The following MALRD1 variants were observed in gnomAD, a reference collection of about 807,000 sequenced individuals.
The protein encoded by MALRD1 is MAM and LDL receptor class A domain containing 1.
In MALRD1, 247 loss-of-function variants were observed where a neutral mutation model predicts 242.1. The observed-to-expected ratio is 1.02, with a 90% CI of 0.92 to 1.13. MALRD1 has a LOEUF of 1.13. MALRD1 is among the 50% of genes most tolerant of loss of function. MALRD1 has a pLI of 0.00. For synonymous variants in MALRD1, 995 were observed against 866.6 expected (o/e 1.15, Z -2.60); for missense variants, 2,989 against 2,533.1 (o/e 1.18, Z -3.86).
intron 36 of MALRD1, among the ~76,000 whole-genome samples, chr10:19,630,964 G>C (rs1839869821): frequency 6.6e-6 from 1 of 152,060 alleles, no homozygotes; most frequent in South Asian, 2.1e-4. Context: ...ACTGGCCTTG[G>C]AATTAAAAGA....
At chr10:19,076,620 A>G (rs1564375765) in intron 2 of MALRD1, among the ~76,000 whole-genome samples, 1 of 152,002 alleles carries the variant, frequency 6.6e-6, no homozygotes, top group Non-Finnish European at 1.5e-5. Flanking sequence ...TGAACTCTCA[A>G]TGCGATTGCA....
At chr10:19,444,361 C>G (rs1250380963) in intron 28 of MALRD1, among the ~76,000 whole-genome samples, 1 of 152,108 alleles carries the variant, frequency 6.6e-6, no homozygotes, top group African/African-American at 2.4e-5. Context: ...ATGATGTTAG[C>G]TGGTTATTTT....
chr10:19,717,265 A>C (rs193162592), intron 38 of MALRD1, among the ~76,000 whole-genome samples: 1 of 152,324 alleles, frequency 6.6e-6, no homozygotes, highest in Admixed American at 6.5e-5. Context: ...TTCCACAAAG[A>C]TGCTTTATAT....
At chr10:19,078,450 G>A (rs886652935) in intron 2 of MALRD1, among the ~76,000 whole-genome samples, 2 of 151,806 alleles carry the variant, frequency 1.3e-5, no homozygotes, top group Non-Finnish European at 2.9e-5. Context: ...GTTGCTTGAT[G>A]TATATTCATC....
At chr10:19,363,105 T>G (rs912210458) in intron 26 of MALRD1, among the ~76,000 whole-genome samples, 1 of 152,052 alleles carries the variant, frequency 6.6e-6, no homozygotes, top group Non-Finnish European at 1.5e-5. Context: ...AACTCAGCAT[T>G]TGAATACAAA....
intron 26 of MALRD1, among the ~76,000 whole-genome samples, chr10:19,362,988 G>A (rs1039681876): frequency 5.9e-5 from 9 of 151,976 alleles, no homozygotes; most frequent in Non-Finnish European, 1.2e-4. Flanking sequence ...GCCATCAGAG[G>A]AAGTGAGGGA....
At chr10:19,548,919 C>G (rs554817042) in intron 32 of MALRD1, among the ~76,000 whole-genome samples, 21 of 152,158 alleles carry the variant, frequency 1.4e-4, no homozygotes, top group Non-Finnish European at 2.6e-4. Context: ...GAAAGCTAGA[C>G]GTCTTGCTCC....
intron 36 of MALRD1, among the ~76,000 whole-genome samples, chr10:19,683,612 G>A (rs1842461855): frequency 6.6e-6 from 1 of 152,144 alleles, no homozygotes; most frequent in African/African-American, 2.4e-5. Flanking sequence ...TATATCTTGA[G>A]ATGTTTGCAG....
At chr10:19,672,920 C>T (rs958597048) in intron 36 of MALRD1, among the ~76,000 whole-genome samples, 3 of 152,040 alleles carry the variant, frequency 2.0e-5, no homozygotes, top group African/African-American at 7.2e-5. Context: ...TTTAGAAGAG[C>T]TTATATAACA....
In MALRD1 at chr10:19,328,684, T is replaced by C. The variant is rs551251969; in HGVS notation, c.3687+1011T>C. The stretch of plus-strand genomic sequence containing the variant: ...TGTTACAGCCAATTTCTTGGAATGA[T>C]AGGTGTAGTAAATCCCATGTATCTT... On this transcript the variant is annotated intron_variant, in intron 23 of 39. Transcript: ENST00000454679. Among the ~76,000 whole-genome samples, 4 of 152,270 alleles carry C rather than the reference T, an allele frequency of 2.6e-5. No homozygotes were observed. The South Asian group carries it at 8.3e-4, about 32-fold the overall frequency.
chr10:19,432,133 A>G (rs1834157785), intron 28 of MALRD1, among the ~76,000 whole-genome samples: 1 of 152,190 alleles, frequency 6.6e-6, no homozygotes. Context: ...TACAGAGAGT[A>G]TAGTAAGGAC....
In MALRD1 at chr10:19,186,095, T is replaced by A. The variant is rs1220867938; in HGVS notation, c.1951+10767T>A. Among the ~76,000 whole-genome samples, 3 of 152,344 alleles carry A rather than the reference T, an allele frequency of 2.0e-5. No homozygotes were observed. The East Asian group carries it at 5.8e-4, about 29-fold the overall frequency. On this transcript the variant is annotated intron_variant, in intron 14 of 39. Transcript: ENST00000454679. ...TACAAGGAAAAAAAGTCTGAAAATATACCTACACTTGCTAATTATTATCTT... is the reference window on the plus strand; with the variant it reads ...TACAAGGAAAAAAAGTCTGAAAATAAACCTACACTTGCTAATTATTATCTT...
intron 19 of MALRD1, among the ~76,000 whole-genome samples, chr10:19,269,172 G>T (rs1840089076): frequency 6.6e-6 from 1 of 152,168 alleles, no homozygotes; most frequent in Non-Finnish European, 1.5e-5. Flanking sequence ...GTAATAAGTT[G>T]AATATTTTCC....
intron 21 of MALRD1, among the ~76,000 whole-genome samples, chr10:19,305,994 A>G (rs1426585258): frequency 8.2e-6 from 1 of 122,378 alleles, no homozygotes; most frequent in Non-Finnish European, 1.6e-5. Flanking sequence ...TATATACTAT[A>G]TATTATATAT....
At chr10:19,367,175 A>T (rs947341607) in intron 26 of MALRD1, among the ~76,000 whole-genome samples, 26 of 152,070 alleles carry the variant, frequency 1.7e-4, no homozygotes, top group Non-Finnish European at 3.7e-4. Flanking sequence ...TGTTAGCTAT[A>T]GTCATCCTAG....
chr10:19,411,435 T>G (rs1833272897), intron 28 of MALRD1, among the ~76,000 whole-genome samples: 1 of 152,314 alleles, frequency 6.6e-6, no homozygotes, highest in African/African-American at 2.4e-5. Context: ...GAACAATTAA[T>G]GGTACCTAAG....
chr10:19,212,334 C>T (rs1446752234), intron 18 of MALRD1, among the ~76,000 whole-genome samples: 1 of 152,162 alleles, frequency 6.6e-6, no homozygotes, highest in African/African-American at 2.4e-5. Context: ...TAAAATTTTA[C>T]ACTATGCACT....
At chr10:19,221,311 GA>G (rs1837547227) in intron 18 of MALRD1, among the ~76,000 whole-genome samples, 1 of 152,018 alleles carries the variant, frequency 6.6e-6, no homozygotes, top group African/African-American at 2.4e-5. Context: ...CATAAATGCT[GA>G]AAGTATAAAT....
rs552117797 is a variant in MALRD1 at position 19,450,054 on chromosome 10, G to T, written c.4846-253G>T. On this transcript the variant is annotated intron_variant, in intron 28 of 39. Transcript: ENST00000454679. ...CAGTTTCAGGAGCCAGGTTTGTAGAGAATTATATTTTTGGAGCAGTATTAC... is the reference window on the plus strand; with the variant it reads ...CAGTTTCAGGAGCCAGGTTTGTAGATAATTATATTTTTGGAGCAGTATTAC... 2.0e-5 allele frequency among the ~76,000 whole-genome samples: 3 copies of T among 152,228 alleles called. No individual in the cohort carries two copies. In the South Asian group the frequency reaches 6.2e-4, roughly 32 times the overall value.
Sources: gnomAD v4.1 joint callset for allele counts (sites outside exome capture counted in the v4.1 genomes callset) on GRCh38, gnomAD v4.1.1 for gene constraint, MANE v1.5 for transcripts, NCBI Gene and HGNC (gene_info 2026-07-23, HGNC 2026-07-21) for gene names.